The following STOX2 variants were observed in gnomAD, a reference collection of about 807,000 sequenced individuals.
STOX2 encodes the protein storkhead-box protein 2.
STOX2 carries 28 observed loss-of-function variants against 60.9 expected under a neutral mutation model. That is an observed-to-expected ratio of 0.46 (90% CI 0.34 to 0.63). The LOEUF (loss-of-function observed/expected upper bound fraction) is 0.63, where lower values mean the gene tolerates loss of function less well. Among genes scored for constraint, STOX2 ranks in the 30% least tolerant of loss-of-function variants. The probability of loss-of-function intolerance (pLI) is 0.01; values close to 1 mark genes in which losing one functional copy is unlikely to be tolerated. For synonymous variants in STOX2, 472 were observed against 463.9 expected (o/e 1.02, Z -0.22); for missense variants, 1,024 against 1,187.7 (o/e 0.86, Z 2.03).
intron 1 of STOX2, among the ~76,000 whole-genome samples, chr4:183,849,003 A>G (rs986541634): frequency 1.3e-5 from 2 of 152,144 alleles, no homozygotes; most frequent in East Asian, 3.9e-4. Flanking sequence ...CAGGTGTGGC[A>G]ATCTCCAGGC....
intron 1 of STOX2, among the ~76,000 whole-genome samples, chr4:183,976,035 G>A (rs1329214134): frequency 1.3e-5 from 2 of 152,170 alleles, no homozygotes; most frequent in Non-Finnish European, 2.9e-5. Flanking sequence ...ATGTAGGGCT[G>A]GGCACAGTGG....
chr4:183,890,499 A>AAG (rs141289727), intron 1 of STOX2, among the ~76,000 whole-genome samples: 11 of 124,946 alleles, frequency 8.8e-5, no homozygotes, highest in Non-Finnish European at 9.6e-5. Flanking sequence ...AAAAAAAAAA[A>AAG]CAGCAACAGA....
Position 184,001,179 on chromosome 4 carries a change from G to T in STOX2, c.167-146G>T, listed in dbSNP as rs936121001. The T allele has an allele frequency of 8.6e-6, 6 of 697,896 alleles. No homozygotes were observed. Among genetic ancestry groups the T allele is most frequent in the Admixed American group, 5.5e-5 (2 of 36,606 alleles). The allele number at this position is 697,896 out of a possible 1,614,324, so 43.2% of individuals were successfully genotyped here. ...GAGTGGAATTGGCTGTGGCTTCTGT[G>T]TTCAGAGTGGAATTGGCAAGCAGCT... On this transcript the variant is annotated intron_variant, in intron 1 of 3. Coordinates refer to ENST00000308497, the MANE Select transcript of STOX2 (RefSeq NM_020225.3). This position sits in a 1 kb window ranked among gnomAD's most constrained non-coding sequence, Gnocchi z 4.2.
At chr4:183,933,580 G>A (rs1216443862) in intron 1 of STOX2, among the ~76,000 whole-genome samples, 1 of 152,060 alleles carries the variant, frequency 6.6e-6, no homozygotes, top group Admixed American at 6.5e-5. Flanking sequence ...GTAGAGACGG[G>A]GTTTCGCCAT....
intron 1 of STOX2, among the ~76,000 whole-genome samples, chr4:183,866,521 G>A (rs1579351896): frequency 1.3e-5 from 2 of 152,300 alleles, no homozygotes; most frequent in East Asian, 1.9e-4. Context: ...TGAAGAAGAG[G>A]ATGGTGGAGG....
At position 183,811,185 on chromosome 4, in the gene STOX2, T is replaced by A. The variant is rs1739026196; in HGVS notation, c.364+13130T>A. On this transcript the variant is annotated intron_variant, in intron 1 of 2. Transcript: ENST00000513034. ...CCAAGTTTCAAAGGACGGGGAGGGG[T>A]GATAGATGGTACATGGGGACTGACA... 1.3e-5 allele frequency among the ~76,000 whole-genome samples: 2 copies of A among 151,926 alleles called. 1 individual carries two copies. Among genetic ancestry groups the A allele is most frequent in the East Asian group, 3.9e-4 (2 of 5,168 alleles).
chr4:183,874,642 A>ATATT (rs762561576), intron 1 of STOX2, among the ~76,000 whole-genome samples: 1 of 151,106 alleles, frequency 6.6e-6, no homozygotes, highest in Non-Finnish European at 1.5e-5. Context: ...ATATATATAT[A>ATATT]TTGGCCGGGC....
chr4:183,822,014 C>G (rs1435874955), intron 1 of STOX2, among the ~76,000 whole-genome samples: 1 of 152,204 alleles, frequency 6.6e-6, no homozygotes, highest in Non-Finnish European at 1.5e-5. Context: ...CTGGGGGTGC[C>G]TAGGTCTCTG....
At chr4:183,872,488 AT>A (rs1314522593) in intron 1 of STOX2, among the ~76,000 whole-genome samples, 3 of 152,222 alleles carry the variant, frequency 2.0e-5, no homozygotes, top group Non-Finnish European at 4.4e-5. Flanking sequence ...CTTTTTATGT[AT>A]TTAAAAAAAA....
intron 1 of STOX2, among the ~76,000 whole-genome samples, chr4:183,798,475 C>G (rs913700540): frequency 2.0e-5 from 3 of 151,944 alleles, no homozygotes; most frequent in African/African-American, 7.2e-5. Flanking sequence ...GCTCGGGTCG[C>G]GCGGGGCTCC....
intron 1 of STOX2, among the ~76,000 whole-genome samples, chr4:183,932,426 T>C (rs1742463484): frequency 4.4e-5 from 5 of 112,904 alleles, no homozygotes; most frequent in African/African-American, 8.3e-5. Context: ...ATACAGTATA[T>C]GTATGTATAC....
intron 1 of STOX2, among the ~76,000 whole-genome samples, chr4:183,887,798 C>T (rs1224975413): frequency 6.6e-6 from 1 of 152,220 alleles, no homozygotes; most frequent in Admixed American, 6.5e-5. Flanking sequence ...GGTTGGAGTG[C>T]AGTGGTGCAA....
intron 1 of STOX2, among the ~76,000 whole-genome samples, chr4:183,994,829 C>T (rs1310655526): frequency 6.6e-6 from 1 of 151,834 alleles, no homozygotes; most frequent in African/African-American, 2.4e-5. Flanking sequence ...TCATTAATGT[C>T]AAAGATAACT....
intron 1 of STOX2, among the ~76,000 whole-genome samples, chr4:183,828,706 G>T (rs1447535684): frequency 1.3e-5 from 2 of 152,196 alleles, no homozygotes; most frequent in Non-Finnish European, 2.9e-5. Flanking sequence ...AAATGAGCCA[G>T]CATTCAGATA....
chr4:183,932,405 T>C (rs1321762753), intron 1 of STOX2, among the ~76,000 whole-genome samples: 1 of 74,540 alleles, frequency 1.3e-5, no homozygotes, highest in African/African-American at 6.5e-5. Context: ...ATACAGTATA[T>C]GTATGTATAC....
intron 1 of STOX2, among the ~76,000 whole-genome samples, chr4:183,839,874 T>G (rs889750645): frequency 6.6e-6 from 1 of 152,218 alleles, no homozygotes; most frequent in Non-Finnish European, 1.5e-5. Context: ...TGATAAACTT[T>G]CGGATTTACA....
Position 183,953,939 on chromosome 4 carries a change from G to A in STOX2, c.166+46983G>A, listed in dbSNP as rs562683726. 3.3e-5 allele frequency among the ~76,000 whole-genome samples: 5 copies of A among 152,228 alleles called. No homozygotes were observed. In the East Asian group the frequency reaches 9.7e-4, roughly 29 times the overall value. On this transcript the variant is annotated intron_variant, in intron 1 of 3. Transcript: ENST00000308497. ...CTACAGCTGGTGTGTGAGGGAGCCG[G>A]AAAGTGGTTCTGAATAGATGTATGC...
At position 184,010,136 on chromosome 4, in the gene STOX2, A is replaced by G. The variant is rs1415323034; in HGVS notation, c.1298A>G (p.His433Arg). The G allele has an allele frequency of 3.2e-6, 5 of 1,570,954 alleles. No individual in the cohort carries two copies. The highest frequency in any genetic ancestry group is 1.4e-5 in the African/African-American group (1 of 73,838). Reference protein sequence around the residue: ...MHSNTNVLESHFPMTPEWDVS... With the variant: ...MHSNTNVLESRFPMTPEWDVS... ...AGCAACACAAACGTGCTCGAGTCCCACTTCCCCATGACACCAGAATGGGAT... is the reference window on the plus strand; with the variant it reads ...AGCAACACAAACGTGCTCGAGTCCCGCTTCCCCATGACACCAGAATGGGAT... The change falls in exon 3 of 4, where the codon CAC becomes CGC. Residue 433 changes from histidine (H) to arginine (R), a missense_variant. By Grantham distance (29) the His-to-Arg change is conservative. This residue lies in a region of STOX2 where 922 missense variants were observed against 1,058.3 expected (regional missense o/e 0.87). Transcript: ENST00000308497. This position sits in a 1 kb window ranked among gnomAD's most constrained non-coding sequence, Gnocchi z 4.5.
At chr4:183,932,640 A>T (rs928691134) in intron 1 of STOX2, among the ~76,000 whole-genome samples, 1 of 152,084 alleles carries the variant, frequency 6.6e-6, no homozygotes, top group African/African-American at 2.4e-5. Flanking sequence ...CCCTGTGAAG[A>T]TCTTGAGCAC....
Sources: gnomAD v4.1 joint callset for allele counts (sites outside exome capture counted in the v4.1 genomes callset) on GRCh38, gnomAD v4.1.1 for gene constraint, gnomAD v4.1.1 regional missense constraint, Gnocchi (gnomAD v3.1) non-coding constraint, MANE v1.5 for transcripts, NCBI Gene and HGNC (gene_info 2026-07-23, HGNC 2026-07-21) for gene names.